The following CGGBP1 variants were observed in gnomAD, a reference collection of about 807,000 sequenced individuals.
The protein encoded by CGGBP1 is CGG triplet repeat binding protein 1.
Under a neutral mutation model 11.4 loss-of-function variants are expected in CGGBP1, and 4 were observed. That is an observed-to-expected ratio of 0.35 (90% CI 0.17 to 0.80). CGGBP1 has a LOEUF of 0.80. CGGBP1 is among the 30% of genes least tolerant of loss of function. The probability of loss-of-function intolerance (pLI) is 0.52; values close to 1 mark genes in which losing one functional copy is unlikely to be tolerated. For missense variants in CGGBP1, 135 were observed against 202.1 expected (o/e 0.67, Z 2.01); for synonymous variants, 76 against 74.1 (o/e 1.03, Z -0.13).
intron 2 of CGGBP1, among the ~76,000 whole-genome samples, chr3:88,100,020 CA>C (rs1704313310): frequency 6.6e-6 from 1 of 152,110 alleles, no homozygotes; most frequent in East Asian, 1.9e-4. Flanking sequence ...AAGAAACTAC[CA>C]TCACAGTGAA....
At position 88,055,657 on chromosome 3, in the gene CGGBP1, A is replaced by C. The variant is rs1240528644; in HGVS notation, c.320T>G (p.Phe107Cys). The change falls in exon 4 of 4, where the codon TTT becomes TGT. Residue 107 changes from phenylalanine to cysteine, a missense_variant. Transcript: ENST00000482016. The surrounding 1 kb of genome is among the most constrained non-coding windows in gnomAD (Gnocchi z 4.2). ...QTEKVSVIQD[F>C]VKMCLEANIP... is the part of the protein sequence containing the mutation. ...GTTGGCTTCCAGGCACATTTTCACA[A>C]AGTCCTGGATAACACTGACTTTCTC... 1.2e-6 allele frequency: 2 copies of C among 1,614,100 alleles called. No individual in the cohort carries two copies. The highest frequency in any genetic ancestry group is 1.7e-6 in the Non-Finnish European group (2 of 1,180,030).
At chr3:88,120,878 A>G (rs982813144) in intron 2 of CGGBP1, among the ~76,000 whole-genome samples, 3 of 152,082 alleles carry the variant, frequency 2.0e-5, no homozygotes, top group African/African-American at 7.2e-5. Flanking sequence ...TAGTAATTCA[A>G]AGTCTGATTT....
At chr3:88,073,517 G>A (rs1707630871) in intron 2 of CGGBP1, among the ~76,000 whole-genome samples, 1 of 152,194 alleles carries the variant, frequency 6.6e-6, no homozygotes, top group Non-Finnish European at 1.5e-5. Flanking sequence ...TGAGGGCCTG[G>A]CTGAATAAGT....
intron 2 of CGGBP1, among the ~76,000 whole-genome samples, chr3:88,124,101 A>T (rs1383770256): frequency 6.6e-6 from 1 of 152,208 alleles, no homozygotes; most frequent in Non-Finnish European, 1.5e-5. Context: ...AGATGCCCTA[A>T]AATAAGATAT....
chr3:88,070,133 C>A (rs1444905779), intron 2 of CGGBP1, among the ~76,000 whole-genome samples: 2 of 152,116 alleles, frequency 1.3e-5, no homozygotes, highest in Non-Finnish European at 2.9e-5. Context: ...CTACAATTTA[C>A]CAAGATATTA....
At chr3:88,101,287 C>T (rs1704408084) in intron 2 of CGGBP1, among the ~76,000 whole-genome samples, 1 of 152,152 alleles carries the variant, frequency 6.6e-6, no homozygotes, top group Non-Finnish European at 1.5e-5. Context: ...GTCCCCAGTG[C>T]CTACCCAGCT....
intron 2 of CGGBP1, among the ~76,000 whole-genome samples, chr3:88,104,025 G>A (rs917268377): frequency 1.3e-4 from 19 of 151,812 alleles, no homozygotes; most frequent in African/African-American, 4.1e-4. Flanking sequence ...GCCTCTGCTG[G>A]GATTACAGGC....
At chr3:88,095,373 T>TATG in intron 2 of CGGBP1, 1 of 314,748 alleles carries the variant, frequency 3.2e-6, no homozygotes, top group Admixed American at 4.7e-5. Flanking sequence ...GTGAATGTAT[T>TATG]ATGTACTAAG....
intron 2 of CGGBP1, chr3:88,135,049 T>A (rs1230668809): frequency 2.2e-6 from 3 of 1,375,606 alleles, no homozygotes; most frequent in Non-Finnish European, 2.8e-6. Context: ...TCTCTTTTTT[T>A]CTCATTTACA....
intron 2 of CGGBP1, among the ~76,000 whole-genome samples, chr3:88,075,242 C>G (rs1707736707): frequency 6.6e-6 from 1 of 152,200 alleles, no homozygotes; most frequent in African/African-American, 2.4e-5. Flanking sequence ...AAGAGCATAT[C>G]ACTTACTTGT....
intron 2 of CGGBP1, among the ~76,000 whole-genome samples, chr3:88,136,969 C>T (rs1187776363): frequency 6.6e-6 from 1 of 151,896 alleles, no homozygotes; most frequent in Non-Finnish European, 1.5e-5. Flanking sequence ...CCGAGGTGGG[C>T]AGATCACTTG....
chr3:88,107,046 CTT>C (rs1298636067), intron 2 of CGGBP1, among the ~76,000 whole-genome samples: 2 of 152,130 alleles, frequency 1.3e-5, no homozygotes, highest in African/African-American at 2.4e-5. Context: ...TTTCATTTCT[CTT>C]GTTTCATGTT....
chr3:88,092,851 A>G (rs892754378), intron 2 of CGGBP1, among the ~76,000 whole-genome samples: 2 of 152,160 alleles, frequency 1.3e-5, no homozygotes, highest in African/African-American at 2.4e-5. Context: ...GTAATTATAC[A>G]TATGTATTGA....
At chr3:88,082,458 T>C (rs1462575709) in intron 2 of CGGBP1, among the ~76,000 whole-genome samples, 2 of 152,326 alleles carry the variant, frequency 1.3e-5, no homozygotes, top group Middle Eastern at 3.4e-3. Flanking sequence ...CTGGATTCGC[T>C]GTAAACAAAT....
chr3:88,087,043 A>C (rs989461366), intron 2 of CGGBP1, among the ~76,000 whole-genome samples: 5 of 151,610 alleles, frequency 3.3e-5, no homozygotes, highest in Admixed American at 2.6e-4. Flanking sequence ...TGGCCTCCCA[A>C]AGTGCTGGGA....
chr3:88,076,534 T>C (rs1379361167), intron 2 of CGGBP1, among the ~76,000 whole-genome samples: 1 of 152,184 alleles, frequency 6.6e-6, no homozygotes, highest in Non-Finnish European at 1.5e-5. Context: ...TATTTTTCTT[T>C]AATTTTTCCA....
intron 2 of CGGBP1, chr3:88,126,110 G>C (rs1576331377): frequency 2.1e-6 from 3 of 1,454,788 alleles, no homozygotes; most frequent in South Asian, 2.8e-5. Context: ...AATTCACAGA[G>C]CCAAAATGAT....
intron 2 of CGGBP1, among the ~76,000 whole-genome samples, chr3:88,103,869 C>G (rs1280176528): frequency 6.7e-6 from 1 of 148,536 alleles, no homozygotes; most frequent in Admixed American, 6.9e-5. Context: ...CGGGGTCAAG[C>G]GATTCTTCTG....
intron 1 of CGGBP1, among the ~76,000 whole-genome samples, chr3:88,149,210 C>T (rs932506069): frequency 1.2e-4 from 18 of 152,168 alleles, no homozygotes; most frequent in African/African-American, 3.9e-4. Flanking sequence ...GCACTGTTCA[C>T]CCCGCCCCCA....
Sources: allele counts gnomAD v4.1 joint callset (sites outside exome capture counted in the v4.1 genomes callset), GRCh38; gene constraint gnomAD v4.1.1; non-coding constraint Gnocchi (gnomAD v3.1); transcripts MANE v1.5; gene names NCBI Gene and HGNC (gene_info 2026-07-23, HGNC 2026-07-21).